Variants in PDS5A observed in about 807,000 individuals in gnomAD.
PDS5A encodes sister chromatid cohesion protein PDS5 homolog A.
PDS5A carries 42 observed loss-of-function variants against 167.1 expected under a neutral mutation model. The ratio of observed to expected loss-of-function variants is 0.25; its 90% confidence interval spans 0.20 to 0.33. PDS5A has a LOEUF of 0.33. Among genes scored for constraint, PDS5A ranks in the 10% least tolerant of loss-of-function variants. The probability of loss-of-function intolerance (pLI) is 1.00; values close to 1 mark genes in which losing one functional copy is unlikely to be tolerated. For missense variants in PDS5A, 1,033 were observed against 1,605.9 expected, an observed-to-expected ratio of 0.64 and a Z score of 6.10; for synonymous variants, 553 against 554.6, an observed-to-expected ratio of 1.00 and a Z score of 0.04.
intron 2 of PDS5A, among the ~76,000 whole-genome samples, chr4:39,946,533 C>T (rs1041032474): frequency 4.6e-5 from 7 of 151,946 alleles, no homozygotes; most frequent in Admixed American, 2.0e-4. Flanking sequence ...ACAAAACTGA[C>T]GACTTTTCAG....
At chr4:39,962,989 TAA>T (rs34045524) in intron 2 of PDS5A, among the ~76,000 whole-genome samples, 33,278 of 150,814 alleles carry the variant, frequency 0.22, 4,701 homozygotes, top group Middle Eastern at 0.34. Context: ...TAAAAATGGT[TAA>T]GAGAGTAAAT....
At chr4:39,945,797 A>T (rs1727698185) in intron 2 of PDS5A, among the ~76,000 whole-genome samples, 1 of 152,218 alleles carries the variant, frequency 6.6e-6, no homozygotes, top group African/African-American at 2.4e-5. Context: ...TCATAAAGGT[A>T]AATCGTTTGC....
At chr4:39,841,446 A>T (rs949786987) in intron 31 of PDS5A, among the ~76,000 whole-genome samples, 14 of 152,104 alleles carry the variant, frequency 9.2e-5, no homozygotes, top group Admixed American at 9.2e-4. Context: ...CTCAATTCCT[A>T]TTCTTTAAAA....
chr4:39,908,761 C>G, intron 10 of PDS5A: 1 of 505,456 alleles, frequency 2.0e-6, no homozygotes, highest in Non-Finnish European at 3.5e-6. Flanking sequence ...TGATGGCCCA[C>G]AACTGTAATA....
At chr4:39,941,019 T>C (rs1027319104) in intron 2 of PDS5A, among the ~76,000 whole-genome samples, 1 of 152,232 alleles carries the variant, frequency 6.6e-6, no homozygotes, top group African/African-American at 2.4e-5. Flanking sequence ...GGTCTAGAAC[T>C]GAAAACTAAA....
intron 26 of PDS5A, among the ~76,000 whole-genome samples, chr4:39,853,766 A>G (rs979827438): frequency 1.3e-5 from 2 of 152,136 alleles, no homozygotes; most frequent in Non-Finnish European, 2.9e-5. Flanking sequence ...CCCAATTCAT[A>G]GCCAATTTTT....
chr4:39,845,991 C>A, intron 28 of PDS5A, 111 bp from the exon 29 acceptor site: 1 of 894,132 alleles, frequency 1.1e-6, no homozygotes, highest in Non-Finnish European at 1.5e-6. Flanking sequence ...ATAATAAATA[C>A]ACTTGTGCTA....
intron 2 of PDS5A, among the ~76,000 whole-genome samples, chr4:39,969,049 A>C (rs1398763509): frequency 6.6e-6 from 1 of 152,240 alleles, no homozygotes; most frequent in African/African-American, 2.4e-5. Context: ...TGCTGGGATT[A>C]CAGGCGTAAG....
At chr4:39,861,720 T>C (rs1276072639) in intron 26 of PDS5A, among the ~76,000 whole-genome samples, 1 of 152,246 alleles carries the variant, frequency 6.6e-6, no homozygotes. Flanking sequence ...TTAATTACTC[T>C]GATTTTCTCA....
intron 32 of PDS5A, among the ~76,000 whole-genome samples, chr4:39,834,509 C>CTTG (rs1321211533): frequency 2.0e-5 from 3 of 152,156 alleles, no homozygotes; most frequent in Admixed American, 6.6e-5. Context: ...AGGCATCCAG[C>CTTG]TTACAGTACT....
intron 32 of PDS5A, among the ~76,000 whole-genome samples, chr4:39,836,069 A>C (rs1716354584): frequency 2.0e-5 from 3 of 152,182 alleles, no homozygotes; most frequent in Admixed American, 2.0e-4. Flanking sequence ...AGTAACAATA[A>C]CAGTTGGGCG....
rs760946944 is a variant in PDS5A at position 39,944,631 on chromosome 4, T to G, written c.139-16467A>C. The stretch of plus-strand genomic sequence containing the variant: ...ATCGCTTGAACCTGGGAGGCGGAGG[T>G]TGCAGTGAGCCAAGATCACACCACT... On this transcript the variant is annotated intron_variant, in intron 2 of 32. Transcript: ENST00000303538. 2.9e-4 allele frequency among the ~76,000 whole-genome samples: 44 copies of G among 149,312 alleles called. 1 individual carries two copies. The highest frequency in any genetic ancestry group is 6.7e-4 in the Admixed American group (10 of 14,826).
At chr4:39,884,117 C>A (rs901857630) in intron 17 of PDS5A, among the ~76,000 whole-genome samples, 1 of 151,606 alleles carries the variant, frequency 6.6e-6, no homozygotes, top group Non-Finnish European at 1.5e-5. Context: ...TTAGTAGGGA[C>A]GGGGTTTCAC....
intron 24 of PDS5A, 83 bp from the exon 25 acceptor site, chr4:39,863,156 TA>T: frequency 9.1e-7 from 1 of 1,099,332 alleles, no homozygotes; most frequent in Admixed American, 2.1e-5. Context: ...TGTCTTCAAT[TA>T]AAAAGAAGAT....
chr4:39,874,234 T>C, intron 20 of PDS5A, 55 bp downstream of exon 20: 2 of 1,480,794 alleles, frequency 1.4e-6, no homozygotes, highest in South Asian at 1.2e-5. Context: ...TTCATCAAAC[T>C]ATAGAGCTTA....
chr4:39,941,601 C>CATTAGAATTG (rs1219585936), intron 2 of PDS5A, among the ~76,000 whole-genome samples: 1 of 152,158 alleles, frequency 6.6e-6, no homozygotes, highest in Non-Finnish European at 1.5e-5. Context: ...TGCATAAAGC[C>CATTAGAATTG]ATTAGAATTG....
chr4:39,826,911 C>T (rs2109457765), intron 32 of PDS5A, among the ~76,000 whole-genome samples: 1 of 152,230 alleles, frequency 6.6e-6, no homozygotes, highest in Middle Eastern at 3.4e-3. Flanking sequence ...ATAAAGGTAA[C>T]AATGCTAAAA....
At chr4:39,945,130 G>C (rs1727625921) in intron 2 of PDS5A, among the ~76,000 whole-genome samples, 1 of 152,018 alleles carries the variant, frequency 6.6e-6, no homozygotes, top group Admixed American at 6.6e-5. Context: ...AACAGATGAG[G>C]AAACAGGCCA....
intron 17 of PDS5A, among the ~76,000 whole-genome samples, chr4:39,885,532 C>T (rs1721370519): frequency 6.6e-6 from 1 of 151,924 alleles, no homozygotes; most frequent in Admixed American, 6.6e-5. Flanking sequence ...TGAGCCTACA[C>T]AACAGTGAGC....
Sources: allele counts gnomAD v4.1 joint callset (sites outside exome capture counted in the v4.1 genomes callset), GRCh38; gene constraint gnomAD v4.1.1; transcripts MANE v1.5; gene names NCBI Gene and HGNC (gene_info 2026-07-23, HGNC 2026-07-21).